The following CTDSPL2 variants were observed in gnomAD, a reference collection of about 807,000 sequenced individuals.
CTDSPL2 encodes the protein CTD small phosphatase-like protein 2.
In CTDSPL2, 5 loss-of-function variants were observed where a neutral mutation model predicts 60.0. That is an observed-to-expected ratio of 0.08 (90% CI 0.04 to 0.18). CTDSPL2 has a LOEUF of 0.18. CTDSPL2 is among the 10% of genes least tolerant of loss of function. The pLI is 1.00. For synonymous variants in CTDSPL2, 186 were observed against 189.3 expected (o/e 0.98, Z 0.14); for missense variants, 370 against 548.8 (o/e 0.67, Z 3.26).
Position 44,499,827 on chromosome 15 carries a change from T to G in CTDSPL2, c.969+14T>G, listed in dbSNP as rs771891205. 1 of 1,495,510 alleles carries G rather than the reference T, an allele frequency of 6.7e-7. No homozygotes were observed. 92.6% of individuals were successfully genotyped at this position (1,495,510 alleles called of 1,614,324 possible). A position where few individuals can be genotyped will look rare whatever the true frequency, so the allele number is the denominator to read the frequency against. On this transcript the variant is annotated intron_variant, in intron 8 of 12. Coordinates refer to ENST00000260327, the MANE Select transcript of CTDSPL2 (RefSeq NM_016396.3). ...GTCATTTATCAGGTAATTAAAATTT[T>G]TTTGATGATTTTTGGCCTGATAGGT...
chr15:44,516,719 C>A (rs2081659760), intron 10 of CTDSPL2: 1 of 152,166 alleles, frequency 6.6e-6, no homozygotes, highest in Non-Finnish European at 1.5e-5. Context: ...CATGTTATGA[C>A]AATGTGTTAT....
At chr15:44,480,165 C>T (rs1040837493) in intron 2 of CTDSPL2, among the ~76,000 whole-genome samples, 1 of 152,128 alleles carries the variant, frequency 6.6e-6, no homozygotes, top group East Asian at 1.9e-4. Context: ...CTGTTCCTGT[C>T]ATTTCAATTC....
chr15:44,490,834 G>A lies in CTDSPL2; in HGVS notation c.526G>A (p.Val176Ile), dbSNP rs199944005. The change falls in exon 5 of 13, where the codon GTA becomes ATA. Residue 176 changes from valine to isoleucine, a missense_variant. Physicochemically the swap from Val to Ile is conservative, Grantham distance 29. Transcript: ENST00000260327. ...PGQAVEAEEI[V>I]KQLDMEQVDE... Reference sequence around the variant, plus strand: ...ACAGGCTGTGGAAGCTGAAGAAATAGTAAAACAACTTGATATGGAACAGGT... The same window carrying A: ...ACAGGCTGTGGAAGCTGAAGAAATAATAAAACAACTTGATATGGAACAGGT... The A allele has an allele frequency of 9.9e-5, 159 of 1,613,708 alleles. No individual in the cohort carries two copies. Among genetic ancestry groups the A allele is most frequent in the Non-Finnish European group, 1.3e-4 (148 of 1,180,012 alleles).
intron 6 of CTDSPL2, among the ~76,000 whole-genome samples, chr15:44,496,787 G>A (rs188226038): frequency 9.3e-4 from 142 of 152,270 alleles, no homozygotes; most frequent in African/African-American, 3.3e-3. Flanking sequence ...CTTGAGCCCA[G>A]GAGGCAGAGG....
chr15:44,521,931 C>A (rs1320359593), intron 12 of CTDSPL2, among the ~76,000 whole-genome samples: 1 of 93,846 alleles, frequency 1.1e-5, no homozygotes, highest in Non-Finnish European at 1.9e-5. Flanking sequence ...GAGCGAGACT[C>A]CGTCTCAAAA....
At position 44,525,312 on chromosome 15, in the gene CTDSPL2, A is replaced by G. The variant is rs2081855133; in HGVS notation, c.*1138A>G. ...CTCCCAAGCCACCAATGCAGTTAAT[A>G]TGCTCTCATAGTGGTTTTTCTATGC... On this transcript the variant is annotated 3_prime_UTR_variant, in exon 13 of 13. Coordinates refer to ENST00000260327, the MANE Select transcript of CTDSPL2 (RefSeq NM_016396.3). 1 of 398,242 alleles carries G rather than the reference A, an allele frequency of 2.5e-6. No homozygotes were observed. The highest frequency in any genetic ancestry group is 4.4e-6 in the Non-Finnish European group (1 of 225,594). 24.7% of individuals were successfully genotyped at this position (398,242 alleles called of 1,614,324 possible).
chr15:44,459,564 A>G (rs1376304148), intron 2 of CTDSPL2, among the ~76,000 whole-genome samples: 1 of 152,098 alleles, frequency 6.6e-6, no homozygotes, highest in African/African-American at 2.4e-5. Context: ...TTCTCTAAGC[A>G]TGTGTAGATG....
chr15:44,501,185 G>A (rs1279866225), intron 8 of CTDSPL2, among the ~76,000 whole-genome samples: 3 of 151,652 alleles, frequency 2.0e-5, no homozygotes, highest in Non-Finnish European at 4.4e-5. Context: ...TTTGCTTTTG[G>A]GTGTTTTTCG....
In CTDSPL2 at chr15:44,497,012, A is replaced by C; in HGVS notation, c.771-15A>C. The C allele has an allele frequency of 1.4e-6, 2 of 1,481,016 alleles. No homozygotes were observed. The highest frequency in any genetic ancestry group is 2.8e-5 in the African/African-American group (2 of 71,614). 91.7% of individuals were successfully genotyped at this position (1,481,016 alleles called of 1,614,324 possible). A position where few individuals can be genotyped will look rare whatever the true frequency, so the allele number is the denominator to read the frequency against. ...AAAGTAAAATGTTGAAATTTTCTTA[A>C]AATCTGATTTATAGCTATTATTTCA... On this transcript the variant is annotated splice_polypyrimidine_tract_variant and intron_variant, in intron 6 of 12. Transcript: ENST00000260327.
At chr15:44,518,573 A>T (rs2081700757) in intron 10 of CTDSPL2, 1 of 152,232 alleles carries the variant, frequency 6.6e-6, no homozygotes, top group African/African-American at 2.4e-5. Flanking sequence ...TCTCAAAAAA[A>T]ATAAGGAAAT....
intron 2 of CTDSPL2, among the ~76,000 whole-genome samples, chr15:44,473,977 C>T (rs1176848037): frequency 6.6e-6 from 1 of 152,114 alleles, no homozygotes; most frequent in African/African-American, 2.4e-5. Context: ...TACAGGTTTG[C>T]ATCACCACAC....
rs191464340 is a variant in CTDSPL2 at position 44,457,704 on chromosome 15, C to T, written c.-24-1287C>T. 4.5e-3 allele frequency among the ~76,000 whole-genome samples: 682 copies of T among 152,204 alleles called. 4 individuals carry two copies. The highest frequency in any genetic ancestry group is 0.016 in the African/African-American group (647 of 41,532). ...TCTCCTCAATGCAACCTCCGCCTCC[C>T]GGGTTCAAGCAGTTCTCCTGCCTCA... is the stretch of plus-strand genomic sequence containing the variant. On this transcript the variant is annotated intron_variant, in intron 1 of 12. Coordinates refer to ENST00000260327, the MANE Select transcript of CTDSPL2 (RefSeq NM_016396.3).
intron 2 of CTDSPL2, among the ~76,000 whole-genome samples, chr15:44,460,640 A>T (rs898621202): frequency 6.6e-6 from 1 of 152,162 alleles, no homozygotes; most frequent in Non-Finnish European, 1.5e-5. Flanking sequence ...ACTGTAAGTC[A>T]CTGGGCAAGA....
At chr15:44,429,401 T>A (rs2079812115) in intron 1 of CTDSPL2, among the ~76,000 whole-genome samples, 1 of 152,240 alleles carries the variant, frequency 6.6e-6, no homozygotes, top group Admixed American at 6.5e-5. Flanking sequence ...AGGTTTTGTC[T>A]GTATTTTAAT....
intron 8 of CTDSPL2, among the ~76,000 whole-genome samples, chr15:44,503,079 C>T (rs1231645218): frequency 6.6e-6 from 1 of 151,958 alleles, no homozygotes; most frequent in Non-Finnish European, 1.5e-5. Flanking sequence ...ACTACTGACA[C>T]TATGTGGACT....
chr15:44,432,744 C>T (rs528268712), intron 1 of CTDSPL2, among the ~76,000 whole-genome samples: 5 of 151,694 alleles, frequency 3.3e-5, no homozygotes, highest in South Asian at 4.2e-4. Flanking sequence ...CTCAGTCCCC[C>T]GAATAGCTGG....
At chr15:44,460,168 T>A (rs1322337785) in intron 2 of CTDSPL2, among the ~76,000 whole-genome samples, 1 of 152,206 alleles carries the variant, frequency 6.6e-6, no homozygotes, top group African/African-American at 2.4e-5. Flanking sequence ...TGGAGTGCAG[T>A]GGCGCATTCT....
At chr15:44,499,464 A>T (rs80233516) in intron 7 of CTDSPL2, among the ~76,000 whole-genome samples, 142 of 152,318 alleles carry the variant, frequency 9.3e-4, no homozygotes, top group Non-Finnish European at 1.6e-3. Flanking sequence ...GTTTCTGATC[A>T]TCAGAAGTGA....
intron 1 of CTDSPL2, among the ~76,000 whole-genome samples, chr15:44,432,750 G>C (rs530857995): frequency 6.6e-6 from 1 of 151,686 alleles, no homozygotes; most frequent in African/African-American, 2.4e-5. Context: ...CCCCCGAATA[G>C]CTGGCATTAC....
Sources: gnomAD v4.1 joint callset for allele counts (sites outside exome capture counted in the v4.1 genomes callset) on GRCh38, gnomAD v4.1.1 for gene constraint, MANE v1.5 for transcripts, NCBI Gene and HGNC (gene_info 2026-07-23, HGNC 2026-07-21) for gene names.